SERGEF: variants seen among roughly 807,000 people sequenced by gnomAD.
SERGEF encodes the protein secretion regulating guanine nucleotide exchange factor, also known as secretion-regulating guanine nucleotide exchange factor.
Under a neutral mutation model 50.0 loss-of-function variants are expected in SERGEF, and 51 were observed. The observed-to-expected ratio is 1.02, with a 90% CI of 0.81 to 1.29. The LOEUF (loss-of-function observed/expected upper bound fraction) is 1.29. Ranked by LOEUF, SERGEF falls within the 50% of genes most tolerant of loss-of-function variation. The pLI, the probability that SERGEF is intolerant of heterozygous loss-of-function variation, is 0.00. For missense variants in SERGEF, 521 were observed against 557.0 expected (o/e 0.94, Z 0.65); for synonymous variants, 205 against 212.4 (o/e 0.97, Z 0.30).
intron 8 of SERGEF, among the ~76,000 whole-genome samples, chr11:17,971,645 T>G (rs190265678): frequency 7.1e-4 from 108 of 152,376 alleles, no homozygotes; most frequent in African/African-American, 2.5e-3. Context: ...TCAAGAGCAC[T>G]GATAGAGGTG....
intron 9 of SERGEF, among the ~76,000 whole-genome samples, chr11:17,940,948 T>A (rs1852551588): frequency 6.6e-6 from 1 of 152,222 alleles, no homozygotes; most frequent in East Asian, 1.9e-4. Context: ...TCCACCAATA[T>A]TTATTATAAA....
chr11:18,007,568 AAC>A (rs960286405), intron 2 of SERGEF, among the ~76,000 whole-genome samples: 6 of 152,200 alleles, frequency 3.9e-5, no homozygotes, highest in African/African-American at 1.4e-4. Flanking sequence ...GATTAAGGGG[AAC>A]ACACAGTTTT....
chr11:17,871,268 G>A (rs955218493), intron 10 of SERGEF, among the ~76,000 whole-genome samples: 1 of 152,022 alleles, frequency 6.6e-6, no homozygotes, highest in African/African-American at 2.4e-5. Flanking sequence ...AGACCAACCT[G>A]GCTAACATGG....
At chr11:17,932,669 G>A (rs3993324) in intron 9 of SERGEF, among the ~76,000 whole-genome samples, 18,298 of 152,154 alleles carry the variant, frequency 0.12, 1,349 homozygotes, top group Middle Eastern at 0.22. Context: ...CCACCAGGTG[G>A]TGAAATCAAC....
chr11:17,901,158 A>T (rs1851743009), intron 9 of SERGEF, among the ~76,000 whole-genome samples: 1 of 152,052 alleles, frequency 6.6e-6, no homozygotes, highest in Non-Finnish European at 1.5e-5. Flanking sequence ...CCAACCACCA[A>T]ATCCTGTAAT....
chr11:17,864,340 G>A (rs1376617840), intron 10 of SERGEF, among the ~76,000 whole-genome samples: 1 of 152,132 alleles, frequency 6.6e-6, no homozygotes, highest in Non-Finnish European at 1.5e-5. Flanking sequence ...CTCACCTGTG[G>A]TGTCATATAG....
chr11:17,959,755 C>T lies in SERGEF; in HGVS notation c.845-119G>A, dbSNP rs1043093317. The T allele has an allele frequency of 2.4e-5, 20 of 843,734 alleles. No homozygotes were observed. In the South Asian group the frequency reaches 2.9e-4, roughly 12 times the overall value. 52.3% of individuals were successfully genotyped at this position (843,734 alleles called of 1,614,324 possible). A position where few individuals can be genotyped will look rare whatever the true frequency, so the allele number is the denominator to read the frequency against. On this transcript the variant is annotated intron_variant, in intron 8 of 10. Coordinates refer to ENST00000265965, the MANE Select transcript of SERGEF (RefSeq NM_012139.4). ...TTAGTACCACCTACCAGGAGCCTTC[C>T]TATCTTCCTGTAAAGAAGGCACATG... is the stretch of plus-strand genomic sequence containing the variant.
chr11:17,886,592 G>C (rs1034035127), intron 9 of SERGEF, among the ~76,000 whole-genome samples: 2 of 151,954 alleles, frequency 1.3e-5, no homozygotes, highest in Non-Finnish European at 2.9e-5. Context: ...CTCCAGCCTG[G>C]GCGAGTACTA....
chr11:17,867,781 A>G (rs778304666), intron 10 of SERGEF, among the ~76,000 whole-genome samples: 1 of 152,184 alleles, frequency 6.6e-6, no homozygotes, highest in Non-Finnish European at 1.5e-5. Context: ...CCAAACCCCA[A>G]TTCTTGACTT....
chr11:17,909,022 C>G (rs1851902134), intron 9 of SERGEF, among the ~76,000 whole-genome samples: 2 of 152,124 alleles, frequency 1.3e-5, no homozygotes, highest in African/African-American at 4.8e-5. Context: ...AGCCTGGAAT[C>G]ACAGAAAAAA....
rs7934384 is a variant in SERGEF, at chr11:18,008,214, T to A, written c.61-138A>T. The A allele has an allele frequency of 2.2e-4, 191 of 849,752 alleles. No individual in the cohort carries two copies. In the African/African-American group the frequency reaches 2.4e-3, roughly 11 times the overall value. The allele number at this position is 849,752 out of a possible 1,614,324, so 52.6% of individuals were successfully genotyped here. A position where few individuals can be genotyped will look rare whatever the true frequency, so the allele number is the denominator to read the frequency against. On this transcript the variant is annotated intron_variant, in intron 1 of 10. Coordinates refer to ENST00000265965, the MANE Select transcript of SERGEF (RefSeq NM_012139.4). ...GAGATTTATTAGGCTCATTCTTTTT[T>A]AAAAAAAAATTTTTAGCTCCTTCAC... is the stretch of plus-strand genomic sequence containing the variant.
intron 10 of SERGEF, among the ~76,000 whole-genome samples, chr11:17,792,061 T>C (rs1166246261): frequency 2.0e-5 from 3 of 152,236 alleles, no homozygotes; most frequent in Non-Finnish European, 4.4e-5. Context: ...CTTCTTTACA[T>C]TTAACTCATT....
chr11:17,974,587 A>C (rs938336015), intron 8 of SERGEF, among the ~76,000 whole-genome samples: 2 of 152,170 alleles, frequency 1.3e-5, no homozygotes, highest in African/African-American at 4.8e-5. Context: ...AGTCTCTCAT[A>C]AAAGGGCTCA....
intron 8 of SERGEF, among the ~76,000 whole-genome samples, chr11:17,966,199 A>C (rs1433865475): frequency 1.3e-5 from 2 of 152,212 alleles, no homozygotes; most frequent in Non-Finnish European, 2.9e-5. Flanking sequence ...GCACATCAGA[A>C]GCCTCTAATG....
At chr11:17,874,379 T>C (rs920297607) in intron 10 of SERGEF, 2 of 152,224 alleles carry the variant, frequency 1.3e-5, no homozygotes. Flanking sequence ...TCTTTTCTGA[T>C]TGTCACCTGA....
chr11:17,973,920 C>T (rs770426942), intron 8 of SERGEF, among the ~76,000 whole-genome samples: 1 of 152,114 alleles, frequency 6.6e-6, no homozygotes, highest in Non-Finnish European at 1.5e-5. Context: ...GGAGAACATA[C>T]AATGTTCAAG....
intron 9 of SERGEF, among the ~76,000 whole-genome samples, chr11:17,909,422 G>A (rs1344582320): frequency 6.6e-6 from 1 of 152,180 alleles, no homozygotes; most frequent in Non-Finnish European, 1.5e-5. Flanking sequence ...TGTACTCCAA[G>A]GTATGAGGAA....
chr11:17,842,155 T>G (rs560464340), intron 10 of SERGEF, among the ~76,000 whole-genome samples: 21 of 152,290 alleles, frequency 1.4e-4, no homozygotes, highest in African/African-American at 5.1e-4. Context: ...TGTTTTATCA[T>G]CATAGTATCT....
chr11:17,963,367 A>G (rs1191869640), intron 8 of SERGEF, among the ~76,000 whole-genome samples: 119 of 99,912 alleles, frequency 1.2e-3, no homozygotes, highest in African/African-American at 5.5e-3. Context: ...CTATTAGTAA[A>G]AAAAAAAAAA....
Sources: allele counts gnomAD v4.1 joint callset (sites outside exome capture counted in the v4.1 genomes callset), GRCh38; gene constraint gnomAD v4.1.1; transcripts MANE v1.5; gene names NCBI Gene and HGNC (gene_info 2026-07-23, HGNC 2026-07-21).